PLEKHA1: variants seen among roughly 807,000 people sequenced by gnomAD.
PLEKHA1 encodes the protein pleckstrin homology domain-containing family A member 1.
Under a neutral mutation model 52.0 loss-of-function variants are expected in PLEKHA1, and 34 were observed. That is an observed-to-expected ratio of 0.65 (90% CI 0.50 to 0.87). The LOEUF (loss-of-function observed/expected upper bound fraction) is 0.87, where lower values mean the gene tolerates loss of function less well. Ranked by LOEUF, PLEKHA1 falls within the 40% of genes least tolerant of loss-of-function variation. PLEKHA1 has a pLI of 0.00. For missense variants in PLEKHA1, 497 were observed against 504.2 expected, an observed-to-expected ratio of 0.99 and a Z score of 0.14; for synonymous variants, 163 against 170.7, an observed-to-expected ratio of 0.95 and a Z score of 0.35.
chr10:122,395,269 G>GC (rs566592933), intron 2 of PLEKHA1, among the ~76,000 whole-genome samples: 316 of 152,140 alleles, frequency 2.1e-3, no homozygotes, highest in Middle Eastern at 3.4e-3. Flanking sequence ...TGGACACAGT[G>GC]CCAGTTTTTT....
intron 4 of PLEKHA1, among the ~76,000 whole-genome samples, chr10:122,404,172 A>G (rs2096971537): frequency 6.6e-6 from 1 of 152,178 alleles, no homozygotes; most frequent in South Asian, 2.1e-4. Flanking sequence ...GAAATTAAAT[A>G]ATGTTTAAAA....
chr10:122,378,272 G>A (rs2096565364), intron 1 of PLEKHA1, among the ~76,000 whole-genome samples: 1 of 152,170 alleles, frequency 6.6e-6, no homozygotes, highest in Non-Finnish European at 1.5e-5. Flanking sequence ...ATGTCATCAG[G>A]TTATTCAGCA....
chr10:122,405,485 C>A (rs1299386024), intron 4 of PLEKHA1, among the ~76,000 whole-genome samples: 2 of 151,792 alleles, frequency 1.3e-5, no homozygotes, highest in African/African-American at 4.8e-5. Context: ...AATAAACTTA[C>A]AAAACTAATT....
chr10:122,390,107 A>G (rs2133934401), intron 1 of PLEKHA1, among the ~76,000 whole-genome samples: 1 of 152,374 alleles, frequency 6.6e-6, no homozygotes, highest in East Asian at 1.9e-4. Context: ...TTTATGTTAT[A>G]GAGATGGCTT....
intron 5 of PLEKHA1, 40 bp downstream of exon 5, chr10:122,406,713 G>T (rs776494841): frequency 1.5e-5 from 21 of 1,397,618 alleles, no homozygotes; most frequent in Non-Finnish European, 2.1e-5. Context: ...TCGATGTCTG[G>T]AATTAATCTT....
downstream of PLEKHA1, chr10:122,433,235 A>G (rs1038289393): frequency 6.6e-6 from 1 of 152,148 alleles, no homozygotes; most frequent in Non-Finnish European, 1.5e-5. Context: ...AGACATCTTC[A>G]TCTGTTGCCT....
At chr10:122,406,539 GTACAATA>G in intron 4 of PLEKHA1, 30 bp from the exon 5 acceptor site, 1 of 1,502,110 alleles carries the variant, frequency 6.7e-7, no homozygotes. Flanking sequence ...GAGGTAATAA[GTACAATA>G]TTTGGTGTGT....
intron 10 of PLEKHA1, chr10:122,425,511 G>C (rs2097325850): frequency 6.6e-6 from 1 of 152,234 alleles, no homozygotes; most frequent in Non-Finnish European, 1.5e-5. Context: ...TTGAGTCCAG[G>C]AGTTCGAGAC....
rs758438533 is a variant in PLEKHA1, at chr10:122,412,939, C to G, written c.362C>G (p.Ser121Ter). 6.2e-7 allele frequency: 1 copy of G among 1,613,264 alleles called. No homozygotes were observed. The highest frequency in any genetic ancestry group is 1.1e-5 in the South Asian group (1 of 90,998). Residue 121 changes from serine to a stop codon, truncating the protein, a stop_gained, in exon 6 of 12, where the codon TCA becomes TGA. Transcript: ENST00000368990. LOFTEE classifies it high-confidence loss of function. ...TTTCAGGTACCAAAGCAGTCAGACT[C>G]ACAGCCTAATTCTGATAACCTAAGT... ...IKITVPKQSD[S>*]QPNSDNLSRH...
At chr10:122,433,565 T>G (rs889108120), downstream of PLEKHA1, 3 of 152,154 alleles carry the variant, frequency 2.0e-5, no homozygotes, top group African/African-American at 7.2e-5. Flanking sequence ...GAAGGCCATT[T>G]GTTGTGTGAA....
chr10:122,400,319 A>C (rs9988734), intron 3 of PLEKHA1, 24 bp from the exon 4 acceptor site: 1 of 1,584,146 alleles, frequency 6.3e-7, no homozygotes, highest in Non-Finnish European at 8.6e-7. Flanking sequence ...GAAGTGAGGA[A>C]CCCGTCTCTA....
intron 6 of PLEKHA1, 40 bp from the exon 7 acceptor site, chr10:122,415,819 A>G: frequency 1.3e-6 from 2 of 1,558,526 alleles, no homozygotes. Context: ...AGTATGCTAA[A>G]CAAGCAAGAA....
rs532988761 is a variant in PLEKHA1, at chr10:122,374,942, C to T, written c.-21+136C>T. 788 of 152,936 alleles carry T rather than the reference C, an allele frequency of 5.2e-3. 8 individuals are homozygous for T. The highest frequency in any genetic ancestry group is 0.018 in the African/African-American group (757 of 41,522). The allele number at this position is 152,936 out of a possible 1,614,324, so 9.5% of individuals were successfully genotyped here. A position where few individuals can be genotyped will look rare whatever the true frequency, so the allele number is the denominator to read the frequency against. Reference sequence around the variant, plus strand: ...GCTGTGGCGAGCGGGGAGGCGTCCGCAGAGGGGCGGTGGGTGCTGGTGAGT... The same window carrying T: ...GCTGTGGCGAGCGGGGAGGCGTCCGTAGAGGGGCGGTGGGTGCTGGTGAGT... On this transcript the variant is annotated intron_variant, in intron 1 of 11. Transcript: ENST00000368990.
intron 2 of PLEKHA1, 21 bp from the exon 3 acceptor site, chr10:122,397,897 A>G (rs773668732): frequency 2.6e-6 from 4 of 1,518,008 alleles, no homozygotes; most frequent in African/African-American, 2.7e-5. Context: ...TATTAAGTAT[A>G]TATTAATACT....
chr10:122,420,744 T>A (rs2097249209), intron 8 of PLEKHA1: 1 of 152,122 alleles, frequency 6.6e-6, no homozygotes, highest in Middle Eastern at 3.2e-3. Context: ...AGACTCTAAT[T>A]TATTAGGTGA....
intron 4 of PLEKHA1, among the ~76,000 whole-genome samples, chr10:122,406,073 A>C (rs1052214951): frequency 7.2e-5 from 11 of 152,218 alleles, no homozygotes; most frequent in African/African-American, 2.7e-4. Flanking sequence ...ACAGGTGCTA[A>C]CAACCAGTTC....
intron 10 of PLEKHA1, chr10:122,425,345 A>G (rs1305415640): frequency 6.4e-6 from 1 of 156,590 alleles, no homozygotes; most frequent in African/African-American, 2.4e-5. Flanking sequence ...ATATAGTTTC[A>G]CTAATAGTAG....
chr10:122,397,853 A>G, intron 2 of PLEKHA1, 65 bp from the exon 3 acceptor site: 3 of 1,256,602 alleles, frequency 2.4e-6, no homozygotes, highest in Non-Finnish European at 1.1e-6. Flanking sequence ...TATATGTGGA[A>G]CATTATATTA....
intron 1 of PLEKHA1, chr10:122,392,228 G>A (rs1426830779): frequency 6.6e-6 from 1 of 151,940 alleles, no homozygotes; most frequent in African/African-American, 2.4e-5. Context: ...AATCTATAAT[G>A]TCTCTCTTTT....
Sources: gnomAD v4.1 joint callset for allele counts (sites outside exome capture counted in the v4.1 genomes callset) on GRCh38, gnomAD v4.1.1 for gene constraint, MANE v1.5 for transcripts, NCBI Gene and HGNC (gene_info 2026-07-23, HGNC 2026-07-21) for gene names.